RRAGC: variants seen among roughly 807,000 people sequenced by gnomAD.
RRAGC encodes Ras related GTP binding C.
RRAGC carries 8 observed loss-of-function variants against 37.1 expected under a neutral mutation model. The ratio of observed to expected loss-of-function variants is 0.22; its 90% CI spans 0.13 to 0.39. RRAGC has a LOEUF of 0.39. Among genes scored for constraint, RRAGC ranks in the 10% least tolerant of loss-of-function variants. RRAGC has a pLI of 1.00. For synonymous variants in RRAGC, 190 were observed against 181.1 expected (o/e 1.05, Z -0.39); for missense variants, 342 against 497.6 (o/e 0.69, Z 2.98).
intron 2 of RRAGC, 136 bp from the exon 3 acceptor site, chr1:38,856,043 A>G (rs1642163349): frequency 1.7e-6 from 1 of 589,072 alleles, no homozygotes; most frequent in Non-Finnish European, 3.0e-6. Flanking sequence ...ACATTCAAAT[A>G]TACTATACTA....
rs548454807 is a variant in RRAGC at position 38,839,478 on chromosome 1, A to G, written c.*75T>C. The G allele has an allele frequency of 2.0e-5, 31 of 1,535,896 alleles. No homozygotes were observed. The African/African-American group carries it at 2.9e-4, about 14-fold the overall frequency. On this transcript the variant is annotated 3_prime_UTR_variant, in exon 7 of 7. Transcript: ENST00000373001. Reference sequence around the variant, plus strand: ...CAGATTCCCACAAGCAGCAGCTCCCATGTCCTGTAGCACGTGGCATCCGAC... The same window carrying G: ...CAGATTCCCACAAGCAGCAGCTCCCGTGTCCTGTAGCACGTGGCATCCGAC...
rs1451514871 is a variant in RRAGC, at chr1:38,839,413, A to C, written c.*140T>G. 1 of 792,826 alleles carries C rather than the reference A, an allele frequency of 1.3e-6. No individual in the cohort carries two copies. The highest frequency in any genetic ancestry group is 2.7e-5 in the East Asian group (1 of 37,212). 49.1% of individuals were successfully genotyped at this position (792,826 alleles called of 1,614,324 possible). On this transcript the variant is annotated 3_prime_UTR_variant, in exon 7 of 7. Transcript: ENST00000373001. ...CACCAGTTGAAGGGGTTTTCATCCA[A>C]ATGAGAAACTCTACCCCTTGTCTCT... is the stretch of plus-strand genomic sequence containing the variant.
intron 6 of RRAGC, among the ~76,000 whole-genome samples, chr1:38,842,305 G>C (rs1641974625): frequency 6.6e-6 from 1 of 151,928 alleles, no homozygotes; most frequent in Non-Finnish European, 1.5e-5. Context: ...CTAACATAGA[G>C]AAAAATAAGG....
intron 5 of RRAGC, among the ~76,000 whole-genome samples, chr1:38,851,304 A>T (rs571954772): frequency 3.3e-5 from 5 of 152,360 alleles, no homozygotes; most frequent in East Asian, 3.9e-4. Context: ...TTTTCAATCT[A>T]ACTAAGTTCC....
At chr1:38,850,064 G>A (rs1642080387) in intron 5 of RRAGC, among the ~76,000 whole-genome samples, 1 of 151,844 alleles carries the variant, frequency 6.6e-6, no homozygotes, top group African/African-American at 2.4e-5. Context: ...AAATTAGCCG[G>A]GTATGGTGGC....
chr1:38,847,726 A>C (rs1414254652), intron 5 of RRAGC: 3 of 152,226 alleles, frequency 2.0e-5, no homozygotes, highest in Non-Finnish European at 4.4e-5. Context: ...AGTAAACTAC[A>C]TAAATACAAG....
chr1:38,838,685 C>T lies in RRAGC; in HGVS notation c.*868G>A, dbSNP rs978860471. On this transcript the variant is annotated 3_prime_UTR_variant, in exon 7 of 7. Transcript: ENST00000373001. ...TCACTCGTGGTCAACCAAATGCAAT[C>T]AAGAAGCTCGATAGCTTAGAATAAA... The T allele has an allele frequency of 6.6e-6, 1 of 152,224 alleles. No individual in the cohort carries two copies. Among genetic ancestry groups the T allele is most frequent in the Non-Finnish European group, 1.5e-5 (1 of 68,038 alleles). 9.4% of individuals were successfully genotyped at this position (152,224 alleles called of 1,614,324 possible). A position where few individuals can be genotyped will look rare whatever the true frequency, so the allele number is the denominator to read the frequency against.
intron 6 of RRAGC, among the ~76,000 whole-genome samples, chr1:38,840,719 GA>G (rs1282127288): frequency 2.7e-5 from 4 of 150,378 alleles, no homozygotes; most frequent in South Asian, 2.1e-4. Context: ...TGGAAGACAG[GA>G]AAAAAAAATG....
Position 38,859,679 on chromosome 1 carries a change from A to T in RRAGC, c.-33T>A. 1.4e-6 allele frequency: 2 copies of T among 1,440,658 alleles called. No individual in the cohort carries two copies. The highest frequency in any genetic ancestry group is 9.1e-7 in the Non-Finnish European group (1 of 1,095,250). 89.2% of individuals were successfully genotyped at this position (1,440,658 alleles called of 1,614,324 possible). ...GAGCCGCCGCCGCCCGCGCCCTGAC[A>T]GGCCAGGCCAGGCCGAGCCAGGCCG... is the stretch of plus-strand genomic sequence containing the variant. On this transcript the variant is annotated 5_prime_UTR_variant, in exon 1 of 7. Transcript: ENST00000373001.
chr1:38,849,786 G>C (rs1406316444), intron 5 of RRAGC, among the ~76,000 whole-genome samples: 3 of 152,170 alleles, frequency 2.0e-5, no homozygotes, highest in Non-Finnish European at 2.9e-5. Flanking sequence ...GTTGGTTTAT[G>C]AAATTTTGAT....
chr1:38,854,680 A>T (rs1314932620), intron 3 of RRAGC, among the ~76,000 whole-genome samples: 2 of 152,232 alleles, frequency 1.3e-5, no homozygotes, highest in Admixed American at 1.3e-4. Flanking sequence ...AATTATTTTC[A>T]AATTATTTAG....
chr1:38,846,268 C>T, intron 5 of RRAGC, 181 bp from the exon 6 acceptor site: 1 of 543,710 alleles, frequency 1.8e-6, no homozygotes. Flanking sequence ...TTCAGGGATA[C>T]CTATTAAAAA....
rs182281417 is a variant in RRAGC at position 38,854,194 on chromosome 1, A to G, written c.641+1514T>C. Among the ~76,000 whole-genome samples, 10 of 151,668 alleles carry G rather than the reference A, an allele frequency of 6.6e-5. No individual in the cohort carries two copies. The East Asian group carries it at 1.2e-3, about 18-fold the overall frequency. On this transcript the variant is annotated intron_variant, in intron 3 of 6. Transcript: ENST00000373001. Reference sequence around the variant, plus strand: ...GCGATTCTCCTCTCTCAGCCTCCCAAGTAGCTGGGACTACAGGCACACACC... The same window carrying G: ...GCGATTCTCCTCTCTCAGCCTCCCAGGTAGCTGGGACTACAGGCACACACC...
chr1:38,843,534 C>T (rs1435798896), intron 6 of RRAGC, among the ~76,000 whole-genome samples: 4 of 151,870 alleles, frequency 2.6e-5, no homozygotes, highest in African/African-American at 9.7e-5. Flanking sequence ...TCCTGGCTAA[C>T]GCAGTGAAAC....
At chr1:38,858,566 C>G (rs1477739353) in intron 1 of RRAGC, among the ~76,000 whole-genome samples, 1 of 152,132 alleles carries the variant, frequency 6.6e-6, no homozygotes, top group African/African-American at 2.4e-5. Flanking sequence ...GGCGTGGTGG[C>G]GCGCGCCTGT....
At chr1:38,858,988 C>T (rs1642200844) in intron 1 of RRAGC, among the ~76,000 whole-genome samples, 1 of 152,244 alleles carries the variant, frequency 6.6e-6, no homozygotes. Flanking sequence ...TGACGCTGCT[C>T]CCTGGGGCTC....
chr1:38,855,912 A>G lies in RRAGC; in HGVS notation c.442-5T>C. On this transcript the variant is annotated splice_polypyrimidine_tract_variant and splice_region_variant and intron_variant, in intron 2 of 6. Coordinates refer to ENST00000373001, the MANE Select transcript of RRAGC (RefSeq NM_022157.4). ...TAAAGCCTCCATGTAGTCATCCTGTAAGTCAGAACAAAATATTTTTTAAAA... is the reference window on the plus strand; with the variant it reads ...TAAAGCCTCCATGTAGTCATCCTGTGAGTCAGAACAAAATATTTTTTAAAA... 6.3e-7 allele frequency: 1 copy of G among 1,596,808 alleles called. No homozygotes were observed. Among genetic ancestry groups the G allele is most frequent in the Non-Finnish European group, 8.6e-7 (1 of 1,169,100 alleles).
Position 38,845,989 on chromosome 1 carries a change from T to C in RRAGC, c.998A>G (p.Lys333Arg), listed in dbSNP as rs1642023534. The C allele has an allele frequency of 6.2e-7, 1 of 1,613,346 alleles. No individual in the cohort carries two copies. Among genetic ancestry groups the C allele is most frequent in the Non-Finnish European group, 8.5e-7 (1 of 1,179,536 alleles). Residue 333 changes from lysine (K) to arginine (R), a missense_variant, in exon 6 of 7, where the codon AAA becomes AGA. Lys to Arg is a conservative substitution (Grantham distance 26). This residue lies in a region of RRAGC where 104 missense variants were observed against 127.0 expected (regional missense o/e 0.82). Coordinates refer to ENST00000373001, the MANE Select transcript of RRAGC (RefSeq NM_022157.4). ...TAGAATGCAGACCAGTGCCAAAAAT[T>C]TAGTCACCTCCTTTAAATAAAGGAC... ...TTVLYLKEVTKFLALVCILRE... is the reference protein window; with the variant it reads ...TTVLYLKEVTRFLALVCILRE...
At chr1:38,850,337 A>G (rs1342076097) in intron 5 of RRAGC, among the ~76,000 whole-genome samples, 2 of 152,010 alleles carry the variant, frequency 1.3e-5, no homozygotes, top group Non-Finnish European at 2.9e-5. Context: ...ACATGGTGGA[A>G]TCCCGTCTCT....
Sources: gnomAD v4.1 joint callset for allele counts (sites outside exome capture counted in the v4.1 genomes callset) on GRCh38, gnomAD v4.1.1 for gene constraint, gnomAD v4.1.1 regional missense constraint, MANE v1.5 for transcripts, NCBI Gene and HGNC (gene_info 2026-07-23, HGNC 2026-07-21) for gene names.